The following SPPL3 variants were observed in gnomAD, a reference collection of about 807,000 sequenced individuals.
SPPL3 encodes the protein signal peptide peptidase-like 3.
SPPL3 carries 5 observed loss-of-function variants against 42.4 expected under a neutral mutation model. The observed-to-expected ratio is 0.12, with a 90% CI of 0.06 to 0.25. The LOEUF is 0.25. SPPL3 is among the 10% of genes least tolerant of loss of function. The pLI is 1.00. For missense variants in SPPL3, 235 were observed against 489.0 expected, an observed-to-expected ratio of 0.48 and a Z score of 4.90; for synonymous variants, 195 against 181.8, an observed-to-expected ratio of 1.07 and a Z score of -0.58.
chr12:120,885,893 T>C (rs1019238091), intron 1 of SPPL3, among the ~76,000 whole-genome samples: 7 of 147,852 alleles, frequency 4.7e-5, no homozygotes, highest in Admixed American at 3.4e-4. Context: ...TTGCTCTTGT[T>C]GCCCAGGCTG....
At chr12:120,822,811 A>C (rs1206761277) in intron 1 of SPPL3, among the ~76,000 whole-genome samples, 1 of 152,032 alleles carries the variant, frequency 6.6e-6, no homozygotes, top group Non-Finnish European at 1.5e-5. Flanking sequence ...AAATCTCTCC[A>C]TCATCTTGCA....
intron 1 of SPPL3, among the ~76,000 whole-genome samples, chr12:120,833,801 GTGTGT>G (rs1418135822): frequency 2.5e-5 from 3 of 118,330 alleles, no homozygotes; most frequent in Non-Finnish European, 3.9e-5. Flanking sequence ...GTGTGTGTGT[GTGTGT>G]GTTGAGTTTC....
intron 1 of SPPL3, among the ~76,000 whole-genome samples, chr12:120,874,768 A>AGTGTGTGT (rs373717363): frequency 6.6e-6 from 1 of 150,856 alleles, no homozygotes; most frequent in South Asian, 2.1e-4. Flanking sequence ...TGTGAGTGTG[A>AGTGTGTGT]GTGTGTGTGT....
chr12:120,817,733 C>T (rs1255318210), intron 1 of SPPL3, among the ~76,000 whole-genome samples: 1 of 152,194 alleles, frequency 6.6e-6, no homozygotes, highest in Non-Finnish European at 1.5e-5. Flanking sequence ...CACTTTTCAC[C>T]TACTCTACAA....
intron 1 of SPPL3, among the ~76,000 whole-genome samples, chr12:120,880,439 T>C (rs1873243127): frequency 6.6e-6 from 1 of 152,006 alleles, no homozygotes; most frequent in South Asian, 2.1e-4. Context: ...TAAAAACTTG[T>C]GCACCAAAGG....
At chr12:120,854,446 A>G (rs1872380946) in intron 1 of SPPL3, among the ~76,000 whole-genome samples, 1 of 152,212 alleles carries the variant, frequency 6.6e-6, no homozygotes, top group South Asian at 2.1e-4. Context: ...GCAAGCCAAC[A>G]GCACAGGTCT....
intron 1 of SPPL3, among the ~76,000 whole-genome samples, chr12:120,843,294 CTT>C (rs1229621734): frequency 6.6e-6 from 1 of 152,178 alleles, no homozygotes; most frequent in African/African-American, 2.4e-5. Flanking sequence ...TTGATACAAT[CTT>C]TTGTGATTTA....
chr12:120,860,122 G>A (rs367716922), intron 1 of SPPL3, among the ~76,000 whole-genome samples: 15 of 152,118 alleles, frequency 9.9e-5, no homozygotes, highest in African/African-American at 3.6e-4. Flanking sequence ...AGGATCACTT[G>A]AGCCCAGGAA....
chr12:120,867,738 C>T (rs770444194), intron 1 of SPPL3, among the ~76,000 whole-genome samples: 4 of 74,940 alleles, frequency 5.3e-5, no homozygotes, highest in Non-Finnish European at 8.7e-5. Flanking sequence ...TTAGACAATT[C>T]ATGTATTAAA....
At chr12:120,845,532 T>TC in intron 1 of SPPL3, 1 of 456,092 alleles carries the variant, frequency 2.2e-6, no homozygotes, top group Non-Finnish European at 4.2e-6. Flanking sequence ...GGTCACCATC[T>TC]CCCCCAGCTT....
intron 1 of SPPL3, among the ~76,000 whole-genome samples, chr12:120,847,777 G>A (rs777922448): frequency 2.0e-5 from 3 of 151,962 alleles, no homozygotes; most frequent in Admixed American, 6.6e-5. Flanking sequence ...AGTAAAAAGG[G>A]AGCTAATATT....
chr12:120,809,488 C>A (rs1032497344), intron 2 of SPPL3, among the ~76,000 whole-genome samples: 4 of 152,196 alleles, frequency 2.6e-5, no homozygotes, highest in Non-Finnish European at 5.9e-5. Flanking sequence ...TATAACACTG[C>A]ATAGTTAAAA....
chr12:120,786,510 G>T (rs1869725210), intron 3 of SPPL3, among the ~76,000 whole-genome samples: 1 of 152,152 alleles, frequency 6.6e-6, no homozygotes, highest in Non-Finnish European at 1.5e-5. Flanking sequence ...TAAATGGCTA[G>T]CTAGAATAAA....
chr12:120,869,203 C>A (rs1055373965), intron 1 of SPPL3, among the ~76,000 whole-genome samples: 2 of 152,162 alleles, frequency 1.3e-5, no homozygotes, highest in African/African-American at 4.8e-5. Context: ...CAAATGCAGA[C>A]TGAATCAGGT....
intron 1 of SPPL3, among the ~76,000 whole-genome samples, chr12:120,869,620 C>A (rs116949670): frequency 6.6e-6 from 1 of 152,120 alleles, no homozygotes; most frequent in Non-Finnish European, 1.5e-5. Flanking sequence ...CTGAGCTAAA[C>A]GGGTATATAT....
intron 1 of SPPL3, among the ~76,000 whole-genome samples, chr12:120,858,370 C>T (rs984857666): frequency 1.1e-4 from 17 of 151,522 alleles, no homozygotes; most frequent in African/African-American, 2.9e-4. Flanking sequence ...TGAGGCAGGA[C>T]GCTTGAACCC....
chr12:120,783,932 T>G (rs947985894), intron 4 of SPPL3, among the ~76,000 whole-genome samples, 180 bp from the exon 5 acceptor site: 2 of 152,148 alleles, frequency 1.3e-5, no homozygotes, highest in Non-Finnish European at 2.9e-5. Flanking sequence ...GTACCTGATT[T>G]GAAGTAGGGG....
At chr12:120,868,159 G>A (rs558729853) in intron 1 of SPPL3, among the ~76,000 whole-genome samples, 1 of 152,112 alleles carries the variant, frequency 6.6e-6, no homozygotes, top group Non-Finnish European at 1.5e-5. Context: ...AGGAGGATGA[G>A]GCAGAAGGAT....
intron 1 of SPPL3, among the ~76,000 whole-genome samples, chr12:120,866,571 C>A (rs1301103470): frequency 6.6e-6 from 1 of 151,870 alleles, no homozygotes; most frequent in Non-Finnish European, 1.5e-5. Flanking sequence ...AAGGCATGTT[C>A]AAAAAAAGGA....
Sources: gnomAD v4.1 joint callset for allele counts (sites outside exome capture counted in the v4.1 genomes callset) on GRCh38, gnomAD v4.1.1 for gene constraint, MANE v1.5 for transcripts, NCBI Gene and HGNC (gene_info 2026-07-23, HGNC 2026-07-21) for gene names.